The following ARHGAP32 variants were observed in gnomAD, a reference collection of about 807,000 sequenced individuals.
ARHGAP32 encodes the protein Rho GTPase activating protein 32.
In ARHGAP32, 51 loss-of-function variants were observed where a neutral mutation model predicts 186.5. The ratio of observed to expected loss-of-function variants is 0.27; its 90% CI spans 0.22 to 0.35. ARHGAP32 has a LOEUF of 0.35. Ranked by LOEUF, ARHGAP32 falls within the 10% of genes least tolerant of loss-of-function variation. The pLI, the probability that ARHGAP32 is intolerant of heterozygous loss-of-function variation, is 1.00. For synonymous variants in ARHGAP32, 950 were observed against 964.3 expected, an observed-to-expected ratio of 0.99 and a Z score of 0.27; for missense variants, 2,186 against 2,623.5, an observed-to-expected ratio of 0.83 and a Z score of 3.64.
intron 10 of ARHGAP32, among the ~76,000 whole-genome samples, chr11:129,052,769 T>C (rs1338971688): frequency 1.3e-5 from 2 of 152,206 alleles, no homozygotes; most frequent in Admixed American, 6.5e-5. Context: ...TTTAAAAACA[T>C]ACTGTGTATT....
rs528918589 is a variant in ARHGAP32 at position 128,992,626 on chromosome 11, G to GA, written c.1196-4502dup. ...ACCCTGTCTCTACCAAAAAATACAGGAAAAAAAAAAATTAGCCAGGCATGG... is the reference window on the plus strand; with the variant it reads ...ACCCTGTCTCTACCAAAAAATACAGGAAAAAAAAAAAATTAGCCAGGCATGG... On this transcript the variant is annotated intron_variant, in intron 12 of 22. Coordinates refer to ENST00000682385, the MANE Select transcript of ARHGAP32 (RefSeq NM_001378024.1). Among the ~76,000 whole-genome samples the GA allele has an allele frequency of 7.2e-4, 106 of 146,314 alleles. 2 individuals are homozygous for GA. Among genetic ancestry groups the GA allele is most frequent in the South Asian group, 7.1e-3 (33 of 4,620 alleles).
intron 15 of ARHGAP32, among the ~76,000 whole-genome samples, chr11:128,982,740 A>G (rs577469633): frequency 3.3e-5 from 5 of 151,844 alleles, no homozygotes; most frequent in Admixed American, 2.0e-4. Context: ...TGTAAAAACA[A>G]TTAGCTGGGT....
chr11:129,111,932 T>C (rs975618606), intron 5 of ARHGAP32, among the ~76,000 whole-genome samples: 1 of 152,086 alleles, frequency 6.6e-6, no homozygotes, highest in African/African-American at 2.4e-5. Flanking sequence ...TGGCTAATGT[T>C]TGTATTTTTA....
intron 1 of ARHGAP32, among the ~76,000 whole-genome samples, chr11:129,257,851 T>C (rs376108902): frequency 9.8e-4 from 149 of 152,248 alleles, no homozygotes; most frequent in African/African-American, 3.5e-3. Flanking sequence ...AACTTAACAC[T>C]GGCCATTTCA....
chr11:129,095,333 C>T lies in ARHGAP32; in HGVS notation c.445-1626G>A, dbSNP rs369591182. On this transcript the variant is annotated intron_variant, in intron 5 of 22. Coordinates refer to ENST00000682385, the MANE Select transcript of ARHGAP32 (RefSeq NM_001378024.1). The stretch of plus-strand genomic sequence containing the variant: ...GAGAAGCCAGCCAAACCTTGAGTAA[C>T]TGCATATAAACTAAAGTGATAAACT... Among the ~76,000 whole-genome samples, 76 of 152,248 alleles carry T rather than the reference C, an allele frequency of 5.0e-4. No individual in the cohort carries two copies. The South Asian group carries it at 0.015, about 31-fold the overall frequency.
intron 1 of ARHGAP32, among the ~76,000 whole-genome samples, chr11:129,273,251 A>G (rs1373010754): frequency 6.6e-6 from 1 of 152,168 alleles, no homozygotes; most frequent in Non-Finnish European, 1.5e-5. Flanking sequence ...TTACCTATCT[A>G]TCTTCCACTG....
chr11:129,101,331 T>C (rs1941892976), intron 5 of ARHGAP32, among the ~76,000 whole-genome samples: 1 of 152,136 alleles, frequency 6.6e-6, no homozygotes, highest in South Asian at 2.1e-4. Flanking sequence ...AACAAATGTA[T>C]CCTCTCTTCA....
At chr11:129,218,846 G>A (rs1394626012) in intron 1 of ARHGAP32, among the ~76,000 whole-genome samples, 1 of 152,192 alleles carries the variant, frequency 6.6e-6, no homozygotes, top group Non-Finnish European at 1.5e-5. Context: ...CCAGGAAGCA[G>A]ACTCTGACAC....
chr11:128,976,068 C>T (rs1945533456), intron 20 of ARHGAP32, among the ~76,000 whole-genome samples: 1 of 123,004 alleles, frequency 8.1e-6, no homozygotes. Flanking sequence ...CAAAGCGAGA[C>T]TCTGTCTAAC....
chr11:129,033,908 G>T (rs902798911), intron 11 of ARHGAP32, among the ~76,000 whole-genome samples: 2 of 152,022 alleles, frequency 1.3e-5, no homozygotes, highest in East Asian at 1.9e-4. Context: ...TTTGTTTCTG[G>T]ACTCTATTCT....
At position 128,982,719 on chromosome 11, in the gene ARHGAP32, T is replaced by G. The variant is rs144314681; in HGVS notation, c.1527-783A>C. ...CTGGGCAACACAGTGAAACCCCATCTCTACAAAAAGTGTAAAAACAATTAG... is the reference window on the plus strand; with the variant it reads ...CTGGGCAACACAGTGAAACCCCATCGCTACAAAAAGTGTAAAAACAATTAG... On this transcript the variant is annotated intron_variant, in intron 15 of 22. Coordinates refer to ENST00000682385, the MANE Select transcript of ARHGAP32 (RefSeq NM_001378024.1). Among the ~76,000 whole-genome samples the G allele has an allele frequency of 2.9e-3, 439 of 151,448 alleles. 4 individuals carry two copies. The highest frequency in any genetic ancestry group is 9.8e-3 in the African/African-American group (405 of 41,268).
rs1471407922 is a variant in ARHGAP32, at chr11:128,973,379, G to A, written c.3127C>T (p.Leu1043Phe). Reference protein sequence around the residue: ...QDSVPVSSVSLIPPPPPPKNV... With the variant: ...QDSVPVSSVSFIPPPPPPKNV... ...TTCGGAGGCGGTGGTGGTGGGATAA[G>A]AGAGACTGAACTGACAGGAACGGAA... Residue 1043 changes from leucine (L) to phenylalanine (F), a missense_variant, in exon 22 of 23, where the codon CTT (leucine) becomes TTT (phenylalanine). By Grantham distance (22) the Leu-to-Phe change is conservative. Transcript: ENST00000682385. 1.2e-6 allele frequency: 2 copies of A among 1,614,108 alleles called. No individual in the cohort carries two copies. The highest frequency in any genetic ancestry group is 1.7e-6 in the Non-Finnish European group (2 of 1,180,022).
intron 5 of ARHGAP32, among the ~76,000 whole-genome samples, chr11:129,122,436 C>A (rs1942554494): frequency 6.6e-6 from 1 of 151,996 alleles, no homozygotes; most frequent in South Asian, 2.1e-4. Flanking sequence ...TTAACAGTCA[C>A]AAAATGAAAA....
chr11:129,116,178 G>C (rs901276207), intron 5 of ARHGAP32, among the ~76,000 whole-genome samples: 1 of 151,948 alleles, frequency 6.6e-6, no homozygotes, highest in Non-Finnish European at 1.5e-5. Context: ...TGTAGTTGTG[G>C]GAAGCCAACT....
chr11:129,275,183 ATAACTC>A (rs535193661), intron 1 of ARHGAP32, among the ~76,000 whole-genome samples: 94 of 152,360 alleles, frequency 6.2e-4, no homozygotes, highest in African/African-American at 2.1e-3. Context: ...ACTCAGGAAA[ATAACTC>A]TATAATCTGG....
chr11:129,208,852 T>G (rs1944546978), intron 1 of ARHGAP32, among the ~76,000 whole-genome samples: 1 of 152,206 alleles, frequency 6.6e-6, no homozygotes, highest in East Asian at 1.9e-4. Context: ...GTGGAAATTT[T>G]CCATCTAAAA....
chr11:129,058,238 CTATA>C (rs34506002), intron 10 of ARHGAP32, among the ~76,000 whole-genome samples: 27,989 of 134,650 alleles, frequency 0.21, 3,547 homozygotes, highest in Middle Eastern at 0.33. Flanking sequence ...CTCTCTCTCT[CTATA>C]TATATATATA....
At chr11:129,068,751 G>A (rs1940778794) in intron 6 of ARHGAP32, among the ~76,000 whole-genome samples, 1 of 151,870 alleles carries the variant, frequency 6.6e-6, no homozygotes, top group Admixed American at 6.6e-5. Context: ...TGACTTTTAT[G>A]TATTGACTTC....
intron 6 of ARHGAP32, among the ~76,000 whole-genome samples, chr11:129,070,054 G>C (rs899086710): frequency 6.6e-6 from 1 of 152,006 alleles, no homozygotes; most frequent in African/African-American, 2.4e-5. Flanking sequence ...GTGTGAAACA[G>C]AGGGAAGAAA....
Sources: gnomAD v4.1 joint callset for allele counts (sites outside exome capture counted in the v4.1 genomes callset) on GRCh38, gnomAD v4.1.1 for gene constraint, MANE v1.5 for transcripts, NCBI Gene and HGNC (gene_info 2026-07-23, HGNC 2026-07-21) for gene names.